CADM2: variants seen among roughly 807,000 people sequenced by gnomAD.
CADM2 encodes immunoglobulin superfamily member 4D.
CADM2 carries 12 observed loss-of-function variants against 49.8 expected under a neutral mutation model. The ratio of observed to expected loss-of-function variants is 0.24; its 90% confidence interval spans 0.15 to 0.39. The LOEUF is 0.39. Among genes scored for constraint, CADM2 ranks in the 10% least tolerant of loss-of-function variants. The probability of loss-of-function intolerance (pLI) is 1.00; values close to 1 mark genes in which losing one functional copy is unlikely to be tolerated. For missense variants in CADM2, 378 were observed against 492.3 expected (o/e 0.77, Z 2.20); for synonymous variants, 214 against 175.4 (o/e 1.22, Z -1.74).
intron 1 of CADM2, among the ~76,000 whole-genome samples, chr3:85,648,542 G>A (rs1389418881): frequency 6.6e-6 from 1 of 151,940 alleles, no homozygotes; most frequent in Non-Finnish European, 1.5e-5. Context: ...CTTTAACTCT[G>A]ATTCTATATG....
At chr3:85,198,827 A>C (rs1053461022) in intron 1 of CADM2, among the ~76,000 whole-genome samples, 2 of 151,914 alleles carry the variant, frequency 1.3e-5, no homozygotes, top group Admixed American at 6.6e-5. Flanking sequence ...AATTTATGTT[A>C]AAAATGGTGT....
intron 5 of CADM2, among the ~76,000 whole-genome samples, chr3:85,898,956 T>TATATATATATATATATGTA (rs58838667): frequency 4.6e-5 from 1 of 21,912 alleles, no homozygotes; most frequent in African/African-American, 1.6e-4. Flanking sequence ...TATATATATA[T>TATATATATATATATATGTA]TTTTTTTTTT....
chr3:85,498,948 T>C (rs1195859045), intron 1 of CADM2, among the ~76,000 whole-genome samples: 1 of 152,158 alleles, frequency 6.6e-6, no homozygotes, highest in Non-Finnish European at 1.5e-5. Flanking sequence ...CGTTAAGAAT[T>C]GACATTTGCG....
intron 1 of CADM2, among the ~76,000 whole-genome samples, chr3:85,572,228 C>T (rs1045283472): frequency 3.9e-5 from 6 of 151,976 alleles, no homozygotes; most frequent in East Asian, 1.9e-4. Flanking sequence ...ACCCAGGAGG[C>T]GGAGGTTGCA....
intron 1 of CADM2, among the ~76,000 whole-genome samples, chr3:85,162,096 G>A (rs2040344308): frequency 6.7e-6 from 1 of 149,800 alleles, no homozygotes; most frequent in African/African-American, 2.5e-5. Flanking sequence ...GATATTGATT[G>A]GGTTCATTAT....
At chr3:85,320,283 A>G (rs2044566561) in intron 1 of CADM2, among the ~76,000 whole-genome samples, 1 of 152,186 alleles carries the variant, frequency 6.6e-6, no homozygotes, top group African/African-American at 2.4e-5. Flanking sequence ...TTGCTCTAGA[A>G]CGTTTAAAGC....
chr3:84,974,054 T>C (rs2031648968), intron 1 of CADM2, among the ~76,000 whole-genome samples: 1 of 152,134 alleles, frequency 6.6e-6, no homozygotes, highest in African/African-American at 2.4e-5. Flanking sequence ...GCTACAAATA[T>C]TCTTGGCATC....
At chr3:85,884,113 G>A (rs181714439) in intron 4 of CADM2, among the ~76,000 whole-genome samples, 3 of 152,288 alleles carry the variant, frequency 2.0e-5, no homozygotes, top group East Asian at 3.9e-4. Context: ...TAGAGATTCC[G>A]AGGAAATAAA....
At chr3:85,698,105 A>G (rs564164910) in intron 1 of CADM2, among the ~76,000 whole-genome samples, 1 of 152,336 alleles carries the variant, frequency 6.6e-6, no homozygotes, top group South Asian at 2.1e-4. Context: ...AGCTTAAAGT[A>G]ATAGCTATTT....
At chr3:85,299,218 T>C (rs911363496) in intron 1 of CADM2, among the ~76,000 whole-genome samples, 3 of 152,116 alleles carry the variant, frequency 2.0e-5, no homozygotes, top group African/African-American at 7.2e-5. Flanking sequence ...GAATAACTAT[T>C]ATTTGCTAAA....
chr3:85,059,770 T>C (rs181416640), intron 1 of CADM2, among the ~76,000 whole-genome samples: 15 of 152,294 alleles, frequency 9.8e-5, no homozygotes, highest in African/African-American at 3.6e-4. Flanking sequence ...CTGCCACAAT[T>C]GTGAGGTCTC....
At chr3:85,089,419 C>T (rs1363629504) in intron 1 of CADM2, among the ~76,000 whole-genome samples, 2 of 152,038 alleles carry the variant, frequency 1.3e-5, no homozygotes, top group Non-Finnish European at 2.9e-5. Context: ...TGCCTCATTC[C>T]CCACATCCAA....
intron 1 of CADM2, among the ~76,000 whole-genome samples, chr3:85,330,357 A>G (rs759486912): frequency 6.6e-6 from 1 of 151,900 alleles, no homozygotes; most frequent in Admixed American, 6.6e-5. Context: ...CTTTTTTTCT[A>G]TTGTTAGTAT....
At chr3:85,992,555 T>C (rs1728908132) in intron 8 of CADM2, 1 of 152,156 alleles carries the variant, frequency 6.6e-6, no homozygotes, top group Non-Finnish European at 1.5e-5. Context: ...CAGTTCCAGA[T>C]CACCGCAATA....
At chr3:86,047,792 G>T (rs1325325616) in intron 8 of CADM2, among the ~76,000 whole-genome samples, 3 of 152,136 alleles carry the variant, frequency 2.0e-5, no homozygotes, top group Non-Finnish European at 4.4e-5. Flanking sequence ...ACATTGAAGT[G>T]AAATACTCTC....
intron 8 of CADM2, among the ~76,000 whole-genome samples, chr3:86,042,113 A>G (rs1736020985): frequency 6.6e-6 from 1 of 152,350 alleles, no homozygotes; most frequent in South Asian, 2.1e-4. Flanking sequence ...CTAAATGCCC[A>G]CAGGAGAAAG....
intron 1 of CADM2, among the ~76,000 whole-genome samples, chr3:85,266,097 G>A (rs975164220): frequency 2.0e-5 from 3 of 151,760 alleles, no homozygotes; most frequent in East Asian, 3.9e-4. Flanking sequence ...TAAATGTCTC[G>A]ATTCTTCATC....
intron 1 of CADM2, among the ~76,000 whole-genome samples, chr3:85,337,558 G>A (rs1314675639): frequency 1.3e-5 from 2 of 151,252 alleles, no homozygotes; most frequent in African/African-American, 2.4e-5. Context: ...ATTTCTGCTC[G>A]CAACTGAACC....
Position 86,072,858 on chromosome 3 carries a change from TAGAA to T in CADM2, c.*6081_*6084del, listed in dbSNP as rs575004601. 9 of 152,132 alleles carry T rather than the reference TAGAA, an allele frequency of 5.9e-5. No individual in the cohort carries two copies. The East Asian group carries it at 1.3e-3, about 23-fold the overall frequency. 9.4% of individuals were successfully genotyped at this position (152,132 alleles called of 1,614,324 possible). ...TAATGTATGGAATAAATCTCATAAA[TAGAA>T]AGAAAAATAATCTAGAAATTTTTCA... On this transcript the variant is annotated 3_prime_UTR_variant, in exon 10 of 10. Transcript: ENST00000383699.
Sources: gnomAD v4.1 joint callset for allele counts (sites outside exome capture counted in the v4.1 genomes callset) on GRCh38, gnomAD v4.1.1 for gene constraint, MANE v1.5 for transcripts, NCBI Gene and HGNC (gene_info 2026-07-23, HGNC 2026-07-21) for gene names.